The following SETD2 variants were observed in gnomAD, a reference collection of about 807,000 sequenced individuals.
The protein encoded by SETD2 is histone-lysine N-methyltransferase SETD2.
SETD2 carries 31 observed loss-of-function variants against 242.1 expected under a neutral mutation model. The observed-to-expected ratio is 0.13, with a 90% CI of 0.10 to 0.17. The LOEUF (loss-of-function observed/expected upper bound fraction) is 0.17, where lower values mean the gene tolerates loss of function less well. Among genes scored for constraint, SETD2 ranks in the 10% least tolerant of loss-of-function variants. The pLI is 1.00. For synonymous variants in SETD2, 1,006 were observed against 1,066.5 expected (o/e 0.94, Z 1.11); for missense variants, 2,481 against 3,046.3 (o/e 0.81, Z 4.37).
At chr3:47,145,661 T>G (rs2043834214) in intron 1 of SETD2, 1 of 269,264 alleles carries the variant, frequency 3.7e-6, no homozygotes. Flanking sequence ...CATTTCAGAT[T>G]TCACATTTTT....
intron 12 of SETD2, among the ~76,000 whole-genome samples, chr3:47,075,685 G>T (rs866669829): frequency 6.6e-6 from 1 of 152,006 alleles, no homozygotes; most frequent in African/African-American, 2.4e-5. Flanking sequence ...AAAGTGAGTG[G>T]AAGAAGGCAG....
intron 1 of SETD2, among the ~76,000 whole-genome samples, chr3:47,129,115 G>A (rs1374486738): frequency 2.0e-5 from 3 of 152,126 alleles, no homozygotes; most frequent in Non-Finnish European, 2.9e-5. Context: ...GGGGCATAAT[G>A]AAGGTCCATT....
At chr3:47,139,938 C>A (rs886665275) in intron 1 of SETD2, among the ~76,000 whole-genome samples, 14 of 152,218 alleles carry the variant, frequency 9.2e-5, no homozygotes, top group African/African-American at 3.1e-4. Context: ...TATAGTATCT[C>A]AAACATACAA....
At chr3:47,113,770 T>TTCTA (rs2042747855) in intron 5 of SETD2, 106 bp downstream of exon 5, 1 of 1,051,238 alleles carries the variant, frequency 9.5e-7, no homozygotes, top group South Asian at 1.8e-5. Flanking sequence ...ATCCGGGAGG[T>TTCTA]AGAGGTTCCA....
intron 15 of SETD2, among the ~76,000 whole-genome samples, chr3:47,056,097 TA>T (rs1287656702): frequency 4.4e-3 from 214 of 49,064 alleles, no homozygotes; most frequent in African/African-American, 0.014. Context: ...ACATGATTTT[TA>T]TTTATTTATT....
rs71098448 is a variant in SETD2 at position 47,078,519 on chromosome 3, C to CTTT, written c.6060+5198_6060+5200dup. 2.2e-4 allele frequency among the ~76,000 whole-genome samples: 16 copies of CTTT among 71,298 alleles called. No individual in the cohort carries two copies. The South Asian group carries it at 3.4e-3, about 15-fold the overall frequency. 46.8% of individuals were successfully genotyped at this position (71,298 alleles called of 152,430 possible). A position where few individuals can be genotyped will look rare whatever the true frequency, so the allele number is the denominator to read the frequency against. On this transcript the variant is annotated intron_variant, in intron 12 of 20. Coordinates refer to ENST00000409792, the MANE Select transcript of SETD2 (RefSeq NM_014159.7). ...TGTGCTCCCATATTAGATTCTCAGC[C>CTTT]TTTTTTTTTTTTTTTTTTTTTTTTT...
At chr3:47,161,301 T>C (rs1269445431) in intron 1 of SETD2, among the ~76,000 whole-genome samples, 2 of 152,104 alleles carry the variant, frequency 1.3e-5, no homozygotes, top group Non-Finnish European at 2.9e-5. Flanking sequence ...ATAATACCTA[T>C]ATAAAAGATG....
At chr3:47,030,802 T>A (rs900100596) in intron 18 of SETD2, among the ~76,000 whole-genome samples, 12 of 152,346 alleles carry the variant, frequency 7.9e-5, no homozygotes, top group African/African-American at 2.9e-4. Context: ...AACCTGTACA[T>A]GGATGTTTTT....
At chr3:47,144,422 A>T (rs2043806155) in intron 1 of SETD2, among the ~76,000 whole-genome samples, 1 of 151,236 alleles carries the variant, frequency 6.6e-6, no homozygotes, top group Non-Finnish European at 1.5e-5. Flanking sequence ...GCGAATCACG[A>T]GGTCAAGAGA....
chr3:47,096,449 G>A (rs147463887), intron 9 of SETD2, among the ~76,000 whole-genome samples: 196 of 152,216 alleles, frequency 1.3e-3, no homozygotes, highest in African/African-American at 4.6e-3. Flanking sequence ...GCTCATGCCT[G>A]TAATCCCAGC....
At chr3:47,139,265 G>C (rs964924891) in intron 1 of SETD2, among the ~76,000 whole-genome samples, 1 of 152,078 alleles carries the variant, frequency 6.6e-6, no homozygotes, top group Non-Finnish European at 1.5e-5. Context: ...GACCACTAAA[G>C]CCTTTCCTTC....
In SETD2 at chr3:47,121,386, T is replaced by G; in HGVS notation, c.3250A>C (p.Ser1084Arg). The G allele has an allele frequency of 6.2e-7, 1 of 1,610,042 alleles. No individual in the cohort carries two copies. Among genetic ancestry groups the G allele is most frequent in the South Asian group, 1.1e-5 (1 of 91,080 alleles). Reference protein sequence around the residue: ...KNSTLPMEETSPCSSRSSQSY... With the variant: ...KNSTLPMEETRPCSSRSSQSY... ...TGACTGCTCCGAGAAGAACAAGGAC[T>G]TGTTTCTTCCATGGGCAAAGTAGAA... The change falls in exon 3 of 21, where the codon AGT becomes CGT. Residue 1084 changes from serine (S) to arginine (R), a missense_variant. Transcript: ENST00000409792.
intron 17 of SETD2, 99 bp from the exon 18 acceptor site, chr3:47,037,876 T>A (rs1229920087): frequency 2.4e-6 from 2 of 838,666 alleles, no homozygotes; most frequent in African/African-American, 3.3e-5. Flanking sequence ...CAACATACAA[T>A]AAGACATAGA....
intron 1 of SETD2, among the ~76,000 whole-genome samples, chr3:47,129,364 A>G (rs1023952947): frequency 4.6e-5 from 7 of 152,264 alleles, no homozygotes; most frequent in Non-Finnish European, 8.8e-5. Context: ...CCAACTTTCC[A>G]GAGACAACTA....
chr3:47,019,490 C>T (rs2038124723), intron 19 of SETD2, among the ~76,000 whole-genome samples: 1 of 152,144 alleles, frequency 6.6e-6, no homozygotes, highest in South Asian at 2.1e-4. Flanking sequence ...CCTACCACTA[C>T]AGACAGCTTT....
intron 12 of SETD2, among the ~76,000 whole-genome samples, chr3:47,077,479 A>C (rs1413108845): frequency 2.0e-5 from 3 of 152,226 alleles, no homozygotes; most frequent in African/African-American, 7.2e-5. Flanking sequence ...TGAACAACTG[A>C]GAGTTACAGA....
At chr3:47,128,935 T>C (rs1261599851) in intron 1 of SETD2, among the ~76,000 whole-genome samples, 1 of 152,310 alleles carries the variant, frequency 6.6e-6, no homozygotes, top group East Asian at 1.9e-4. Context: ...CCAAGGCTTA[T>C]CTGCATAGTA....
At chr3:47,023,940 T>TC (rs2107503184) in intron 18 of SETD2, among the ~76,000 whole-genome samples, 1 of 152,334 alleles carries the variant, frequency 6.6e-6, no homozygotes, top group East Asian at 1.9e-4. Context: ...CTCAAGGTAT[T>TC]CTTCTTTTGG....
At chr3:47,052,708 C>T (rs2039901179) in intron 15 of SETD2, among the ~76,000 whole-genome samples, 1 of 151,948 alleles carries the variant, frequency 6.6e-6, no homozygotes, top group African/African-American at 2.4e-5. Context: ...ATCCCAGCTA[C>T]TAGTGAGGCT....
Sources: allele counts gnomAD v4.1 joint callset (sites outside exome capture counted in the v4.1 genomes callset), GRCh38; gene constraint gnomAD v4.1.1; transcripts MANE v1.5; gene names NCBI Gene and HGNC (gene_info 2026-07-23, HGNC 2026-07-21).